Variants in FGF1 observed in about 807,000 individuals in gnomAD.
FGF1 encodes the protein beta-endothelial cell growth factor.
In FGF1, 9 loss-of-function variants were observed where a neutral mutation model predicts 13.4. That is an observed-to-expected ratio of 0.67 (90% confidence interval 0.40 to 1.17). The LOEUF (loss-of-function observed/expected upper bound fraction) is 1.17. Among genes scored for constraint, FGF1 ranks in the 50% most tolerant of loss-of-function variants. FGF1 has a pLI of 0.01. For synonymous variants in FGF1, 93 were observed against 79.0 expected, an observed-to-expected ratio of 1.18 and a Z score of -0.94; for missense variants, 156 against 192.7, an observed-to-expected ratio of 0.81 and a Z score of 1.13.
chr5:142,627,444 AG>A (rs1268024781), intron 1 of FGF1, among the ~76,000 whole-genome samples: 1 of 152,260 alleles, frequency 6.6e-6, no homozygotes, highest in African/African-American at 2.4e-5. Flanking sequence ...AAAAATAAAA[AG>A]GACAAAACTC....
At chr5:142,619,686 A>T (rs1022124696) in intron 1 of FGF1, among the ~76,000 whole-genome samples, 3 of 152,160 alleles carry the variant, frequency 2.0e-5, no homozygotes, top group African/African-American at 7.2e-5. Flanking sequence ...ATACAAAATT[A>T]GCCGGGCATG....
intron 1 of FGF1, among the ~76,000 whole-genome samples, chr5:142,636,666 C>CT (rs1192786761): frequency 6.6e-6 from 1 of 150,462 alleles, no homozygotes; most frequent in African/African-American, 2.5e-5. Flanking sequence ...AATAAGCAAT[C>CT]TATAGGACCT....
chr5:142,618,925 T>A (rs970031455), intron 1 of FGF1, among the ~76,000 whole-genome samples: 1 of 87,192 alleles, frequency 1.1e-5, no homozygotes, highest in African/African-American at 4.7e-5. Flanking sequence ...TTTTTAGTTG[T>A]TTTGTTTTTT....
chr5:142,626,541 C>T (rs1172514721), intron 1 of FGF1, among the ~76,000 whole-genome samples: 1 of 152,130 alleles, frequency 6.6e-6, no homozygotes, highest in East Asian at 1.9e-4. Context: ...ACTGAGTGAC[C>T]CTTGAGCTTC....
Position 142,632,922 on chromosome 5 carries a change from CTT to C in FGF1, c.-34-18763_-34-18762del, listed in dbSNP as rs5871821. On this transcript the variant is annotated intron_variant, in intron 1 of 3. Coordinates refer to ENST00000337706, the MANE Select transcript of FGF1 (RefSeq NM_000800.5). ...TATTGTTGGACATTTAGGTTGTTTA[CTT>C]TTTTTTTTTTTTTTTAGACGGAGTC... Among the ~76,000 whole-genome samples the C allele has an allele frequency of 3.4e-3, 478 of 140,560 alleles. 3 individuals carry two copies. The highest frequency in any genetic ancestry group is 7.9e-3 in the African/African-American group (300 of 38,140). The allele number at this position is 140,560 out of a possible 152,430, so 92.2% of individuals were successfully genotyped here.
upstream of FGF1, among the ~76,000 whole-genome samples, chr5:142,689,397 G>T (rs904387061): frequency 2.6e-5 from 4 of 152,166 alleles, no homozygotes; most frequent in Non-Finnish European, 5.9e-5. Flanking sequence ...GAGGGCAATG[G>T]GAAATGCAGC....
At chr5:142,644,934 T>G (rs1290799668) in intron 1 of FGF1, among the ~76,000 whole-genome samples, 1 of 152,218 alleles carries the variant, frequency 6.6e-6, no homozygotes, top group Admixed American at 6.5e-5. Flanking sequence ...GCCAGCTTTC[T>G]GATATTCTGG....
At chr5:142,655,958 G>C (rs565105461) in intron 1 of FGF1, among the ~76,000 whole-genome samples, 3 of 152,196 alleles carry the variant, frequency 2.0e-5, no homozygotes, top group Admixed American at 6.5e-5. Context: ...TTTTTCCTGA[G>C]TGTTTTTGCG....
At chr5:142,649,861 A>G (rs1766897035) in intron 1 of FGF1, among the ~76,000 whole-genome samples, 1 of 152,222 alleles carries the variant, frequency 6.6e-6, no homozygotes, top group Non-Finnish European at 1.5e-5. Flanking sequence ...GTAAGAAAAA[A>G]ACAATTTTCT....
At chr5:142,690,120 G>A (rs968063299), upstream of FGF1, among the ~76,000 whole-genome samples, 2 of 149,610 alleles carry the variant, frequency 1.3e-5, no homozygotes, top group African/African-American at 4.9e-5. Context: ...AGGAGATCGA[G>A]ACCATCCTGG....
chr5:142,656,905 T>A (rs1768271063), intron 1 of FGF1, among the ~76,000 whole-genome samples: 1 of 118,644 alleles, frequency 8.4e-6, no homozygotes, highest in Non-Finnish European at 1.6e-5. Flanking sequence ...ACTGCAGGTA[T>A]TTTTTTTTAT....
upstream of FGF1, among the ~76,000 whole-genome samples, chr5:142,688,594 C>T (rs532390320): frequency 2.6e-5 from 4 of 152,208 alleles, no homozygotes; most frequent in Non-Finnish European, 5.9e-5. Flanking sequence ...CTCCAAAGCT[C>T]TTACACCACT....
At chr5:142,619,750 T>C (rs1053053380) in intron 1 of FGF1, among the ~76,000 whole-genome samples, 8 of 151,866 alleles carry the variant, frequency 5.3e-5, no homozygotes, top group South Asian at 2.1e-4. Context: ...GGAGAATCGC[T>C]TGAACCCGGG....
chr5:142,604,623 A>G (rs1034670655), intron 2 of FGF1, among the ~76,000 whole-genome samples: 45 of 152,306 alleles, frequency 3.0e-4, no homozygotes, highest in African/African-American at 1.1e-3. Context: ...CAGTACTCGT[A>G]TGACTGTTTC....
At chr5:142,651,471 A>C (rs923890444) in intron 1 of FGF1, among the ~76,000 whole-genome samples, 2 of 152,142 alleles carry the variant, frequency 1.3e-5, no homozygotes, top group Non-Finnish European at 2.9e-5. Context: ...ATTTGTTACA[A>C]TCAATGAAGC....
intron 1 of FGF1, among the ~76,000 whole-genome samples, chr5:142,665,619 T>C (rs961199309): frequency 4.6e-5 from 7 of 152,276 alleles, no homozygotes; most frequent in African/African-American, 1.7e-4. Context: ...GACCTCAATA[T>C]GTTCTCCTCA....
chr5:142,660,177 CG>C (rs1045370844), intron 1 of FGF1, among the ~76,000 whole-genome samples: 2 of 152,244 alleles, frequency 1.3e-5, no homozygotes, highest in Admixed American at 1.3e-4. Context: ...CACGCTCATC[CG>C]GGGTGAGAAT....
chr5:142,627,180 G>A (rs1382838087), intron 1 of FGF1: 1 of 152,176 alleles, frequency 6.6e-6, no homozygotes, highest in Non-Finnish European at 1.5e-5. Context: ...GAATAAACAA[G>A]CATCTCTGGA....
At chr5:142,641,672 A>G (rs766854161) in intron 1 of FGF1, among the ~76,000 whole-genome samples, 1 of 152,066 alleles carries the variant, frequency 6.6e-6, no homozygotes, top group Admixed American at 6.6e-5. Flanking sequence ...ATGATTTATT[A>G]TAGCAGCACC....
Sources: allele counts gnomAD v4.1 joint callset (sites outside exome capture counted in the v4.1 genomes callset), GRCh38; gene constraint gnomAD v4.1.1; transcripts MANE v1.5; gene names NCBI Gene and HGNC (gene_info 2026-07-23, HGNC 2026-07-21).